GRM7: variants seen among roughly 807,000 people sequenced by gnomAD.
GRM7 encodes the protein glutamate metabotropic receptor 7, also known as metabotropic glutamate receptor 7.
Under a neutral mutation model 84.5 loss-of-function variants are expected in GRM7, and 35 were observed. The observed-to-expected ratio is 0.41, with a 90% CI of 0.32 to 0.55. The LOEUF (loss-of-function observed/expected upper bound fraction) is 0.55. Among genes scored for constraint, GRM7 ranks in the 20% least tolerant of loss-of-function variants. The pLI, the probability that GRM7 is intolerant of heterozygous loss-of-function variation, is 0.19. For missense variants in GRM7, 1,003 were observed against 1,194.6 expected (o/e 0.84, Z 2.36); for synonymous variants, 487 against 455.1 (o/e 1.07, Z -0.89).
intron 4 of GRM7, among the ~76,000 whole-genome samples, chr3:7,367,973 A>ACAG (rs1393617170): frequency 1.6e-3 from 4 of 2,546 alleles, no homozygotes; most frequent in Non-Finnish European, 2.0e-3. Flanking sequence ...AACAACAACA[A>ACAG]CAACTACACA....
chr3:7,634,793 CAAA>C (rs59904264), intron 8 of GRM7, among the ~76,000 whole-genome samples: 33 of 137,572 alleles, frequency 2.4e-4, no homozygotes, highest in Admixed American at 2.9e-4. Context: ...GACTCTGTCT[CAAA>C]AAAAAAAAAA....
chr3:6,877,942 T>C (rs949728128), intron 1 of GRM7, among the ~76,000 whole-genome samples: 1 of 122,232 alleles, frequency 8.2e-6, no homozygotes. Context: ...TTTAACTCAA[T>C]AACTTACTTT....
chr3:6,954,011 G>A (rs777333904), intron 1 of GRM7, among the ~76,000 whole-genome samples: 1 of 152,048 alleles, frequency 6.6e-6, no homozygotes, highest in East Asian at 1.9e-4. Context: ...TGTGGATGGC[G>A]ATAATATATT....
intron 5 of GRM7, among the ~76,000 whole-genome samples, chr3:7,423,792 A>G (rs568256262): frequency 6.6e-6 from 1 of 152,290 alleles, no homozygotes; most frequent in Non-Finnish European, 1.5e-5. Context: ...AAAACTTTCT[A>G]GAGCTATTCT....
chr3:6,972,703 C>T (rs568738786), intron 1 of GRM7, among the ~76,000 whole-genome samples: 32 of 152,258 alleles, frequency 2.1e-4, no homozygotes, highest in Admixed American at 6.5e-4. Context: ...GAGAGCTCTG[C>T]GGTAAGGACG....
At chr3:7,606,160 T>C (rs928763537) in intron 8 of GRM7, among the ~76,000 whole-genome samples, 2 of 152,198 alleles carry the variant, frequency 1.3e-5, no homozygotes, top group African/African-American at 2.4e-5. Context: ...CAATGCAAAT[T>C]TTATCTAGGG....
chr3:7,515,264 C>A (rs1364715085), intron 7 of GRM7, among the ~76,000 whole-genome samples: 1 of 147,428 alleles, frequency 6.8e-6, no homozygotes, highest in African/African-American at 2.5e-5. Flanking sequence ...AGTTTCTTAA[C>A]TTCAGGACTA....
At chr3:7,510,737 G>T (rs1700174340) in intron 7 of GRM7, among the ~76,000 whole-genome samples, 1 of 152,020 alleles carries the variant, frequency 6.6e-6, no homozygotes, top group South Asian at 2.1e-4. Context: ...CTTACAAATA[G>T]TTGAAAAAAT....
chr3:7,418,203 C>T (rs1559308280), intron 5 of GRM7, among the ~76,000 whole-genome samples: 3 of 152,152 alleles, frequency 2.0e-5, no homozygotes, highest in Non-Finnish European at 4.4e-5. Flanking sequence ...TTCCTTGATA[C>T]CAAATCCCAA....
chr3:7,457,325 G>A (rs1324029534), intron 6 of GRM7, among the ~76,000 whole-genome samples: 7 of 152,102 alleles, frequency 4.6e-5, no homozygotes, highest in Admixed American at 4.6e-4. Flanking sequence ...ATGCATTGAG[G>A]AAAGAAATGG....
At chr3:7,697,518 T>A (rs1419726342) in intron 9 of GRM7, among the ~76,000 whole-genome samples, 1 of 152,192 alleles carries the variant, frequency 6.6e-6, no homozygotes, top group Non-Finnish European at 1.5e-5. Flanking sequence ...AAAAATTTAA[T>A]TTTAAGCCAA....
intron 1 of GRM7, among the ~76,000 whole-genome samples, chr3:7,125,622 A>T (rs1293371130): frequency 2.6e-5 from 4 of 152,202 alleles, no homozygotes; most frequent in African/African-American, 9.6e-5. Flanking sequence ...CCTTTTGAAC[A>T]CTTACATTTA....
chr3:7,632,383 G>A (rs1331054255), intron 8 of GRM7, among the ~76,000 whole-genome samples: 1 of 152,118 alleles, frequency 6.6e-6, no homozygotes, highest in Non-Finnish European at 1.5e-5. Flanking sequence ...AGAACCCTTA[G>A]GGGAACACAA....
chr3:7,247,675 G>T (rs371462529), intron 2 of GRM7, among the ~76,000 whole-genome samples: 5 of 145,762 alleles, frequency 3.4e-5, no homozygotes, highest in African/African-American at 1.3e-4. Flanking sequence ...AAAACTAAAA[G>T]TTCTGCTTTT....
chr3:7,542,472 T>G (rs992081606), intron 7 of GRM7, among the ~76,000 whole-genome samples: 13 of 152,184 alleles, frequency 8.5e-5, no homozygotes, highest in Admixed American at 7.2e-4. Flanking sequence ...GTGTTTTCTA[T>G]TCCACCCTTT....
intron 2 of GRM7, among the ~76,000 whole-genome samples, chr3:7,162,868 T>A (rs1694678461): frequency 6.7e-6 from 1 of 148,170 alleles, no homozygotes; most frequent in Non-Finnish European, 1.5e-5. Context: ...CAAGCGATTC[T>A]CCTACCTCAG....
chr3:7,636,738 T>C (rs1339178449), intron 8 of GRM7, among the ~76,000 whole-genome samples: 1 of 152,082 alleles, frequency 6.6e-6, no homozygotes, highest in Non-Finnish European at 1.5e-5. Flanking sequence ...GTTGTAGTGT[T>C]TTGAGTGCTG....
intron 7 of GRM7, among the ~76,000 whole-genome samples, chr3:7,543,301 C>T (rs1252573592): frequency 6.6e-6 from 1 of 152,160 alleles, no homozygotes; most frequent in African/African-American, 2.4e-5. Context: ...CAATTTGGCT[C>T]AGTAAATTAG....
intron 1 of GRM7, among the ~76,000 whole-genome samples, chr3:7,059,537 A>G (rs1053231566): frequency 1.3e-5 from 2 of 151,890 alleles, no homozygotes; most frequent in East Asian, 3.9e-4. Context: ...GAAAATTGCT[A>G]GAGATCTTGA....
Sources: allele counts gnomAD v4.1 joint callset (sites outside exome capture counted in the v4.1 genomes callset), GRCh38; gene constraint gnomAD v4.1.1; transcripts MANE v1.5; gene names NCBI Gene and HGNC (gene_info 2026-07-23, HGNC 2026-07-21).